Variants in PDGFRL observed in about 807,000 individuals in gnomAD.
The protein encoded by PDGFRL is platelet derived growth factor receptor like.
PDGFRL carries 46 observed loss-of-function variants against 37.2 expected under a neutral mutation model. The ratio of observed to expected loss-of-function variants is 1.24; its 90% CI spans 0.98 to 1.58. The LOEUF (loss-of-function observed/expected upper bound fraction) is 1.58. PDGFRL is among the 40% of genes most tolerant of loss of function. PDGFRL has a pLI of 0.00. For synonymous variants in PDGFRL, 251 were observed against 184.3 expected (o/e 1.36, Z -2.93); for missense variants, 692 against 467.6 (o/e 1.48, Z -4.43).
At chr8:17,637,609 C>T (rs1450568633) in intron 5 of PDGFRL, among the ~76,000 whole-genome samples, 1 of 152,136 alleles carries the variant, frequency 6.6e-6, no homozygotes, top group Non-Finnish European at 1.5e-5. Flanking sequence ...AGGATTCCTT[C>T]TTTCTCTGTC....
intron 2 of PDGFRL, among the ~76,000 whole-genome samples, chr8:17,614,529 C>A (rs1804485578): frequency 6.6e-6 from 1 of 152,176 alleles, no homozygotes; most frequent in Admixed American, 6.5e-5. Context: ...GTGGTAGAGG[C>A]CTAACAGTTT....
At chr8:17,597,591 C>A (rs1302994653) in intron 2 of PDGFRL, among the ~76,000 whole-genome samples, 2 of 152,022 alleles carry the variant, frequency 1.3e-5, no homozygotes, top group Admixed American at 1.3e-4. Flanking sequence ...CAGTTGCTTA[C>A]TAAATACTTC....
intron 1 of PDGFRL, 22 bp downstream of exon 1, chr8:17,577,329 G>A (rs1414788250): frequency 1.9e-6 from 3 of 1,602,382 alleles, no homozygotes; most frequent in East Asian, 4.5e-5. Context: ...TGGGCGCGGG[G>A]CCACCTAGCT....
intron 2 of PDGFRL, among the ~76,000 whole-genome samples, chr8:17,603,486 A>T (rs1411177468): frequency 1.3e-5 from 2 of 152,102 alleles, no homozygotes; most frequent in East Asian, 1.9e-4. Flanking sequence ...TTCAGGTTTT[A>T]CCTCCAGACT....
intron 5 of PDGFRL, among the ~76,000 whole-genome samples, chr8:17,641,003 C>G (rs949493922): frequency 6.6e-6 from 1 of 151,970 alleles, no homozygotes; most frequent in Admixed American, 6.6e-5. Flanking sequence ...TTATGTTCCT[C>G]AGGGGATTAT....
At chr8:17,626,651 C>G (rs1804740345) in intron 3 of PDGFRL, among the ~76,000 whole-genome samples, 1 of 152,182 alleles carries the variant, frequency 6.6e-6, no homozygotes, top group African/African-American at 2.4e-5. Context: ...TGGGGTATCA[C>G]TAGCTCTGAA....
intron 5 of PDGFRL, among the ~76,000 whole-genome samples, chr8:17,635,553 A>G (rs1760208937): frequency 6.6e-6 from 1 of 152,116 alleles, no homozygotes; most frequent in African/African-American, 2.4e-5. Flanking sequence ...CTGGTTCCAT[A>G]TTTTTGCACT....
intron 1 of PDGFRL, among the ~76,000 whole-genome samples, chr8:17,587,381 A>C (rs1186366046): frequency 6.6e-6 from 1 of 152,124 alleles, no homozygotes; most frequent in African/African-American, 2.4e-5. Context: ...ATTCCATAGG[A>C]TTTACAGATG....
chr8:17,611,008 C>T (rs375638169), intron 2 of PDGFRL, among the ~76,000 whole-genome samples: 2 of 152,346 alleles, frequency 1.3e-5, no homozygotes, highest in Admixed American at 1.3e-4. Context: ...TAAATTTCCT[C>T]CAAGTCATTC....
intron 1 of PDGFRL, among the ~76,000 whole-genome samples, chr8:17,581,319 T>C (rs764343932): frequency 6.6e-6 from 1 of 152,164 alleles, no homozygotes; most frequent in Non-Finnish European, 1.5e-5. Context: ...GTTGCCAGTG[T>C]GGCTGTGGCT....
rs780508581 is a variant in PDGFRL, at chr8:17,642,713, T to G, written c.1040T>G (p.Phe347Cys). 1.0e-5 allele frequency: 16 copies of G among 1,605,550 alleles called. 1 individual carries two copies. The East Asian group carries it at 3.1e-4, about 31-fold the overall frequency. ...ISQSVITVED[F>C]ETIDAGYYIC... The stretch of plus-strand genomic sequence containing the variant: ...CAGAGTGTCATTACAGTGGAAGACT[T>G]TGAGACGATTGATGCAGGATATTAC... The change falls in exon 6 of 6, where the codon TTT (phenylalanine) becomes TGT (cysteine). Residue 347 changes from phenylalanine to cysteine, a missense_variant. Transcript: ENST00000251630.
chr8:17,600,316 T>A lies in PDGFRL; in HGVS notation c.353+10551T>A, dbSNP rs1007955730. On this transcript the variant is annotated intron_variant, in intron 2 of 5. Coordinates refer to ENST00000251630, the MANE Select transcript of PDGFRL (RefSeq NM_001372073.1). Reference sequence around the variant, plus strand: ...GCAGTCCTGTGTCCTTCTGGTTTTCTCTCTGTCTCACAGCCCTTCTGGAGT... The same window carrying A: ...GCAGTCCTGTGTCCTTCTGGTTTTCACTCTGTCTCACAGCCCTTCTGGAGT... 2.6e-5 allele frequency among the ~76,000 whole-genome samples: 4 copies of A among 152,146 alleles called. No individual in the cohort carries two copies. In the South Asian group the frequency reaches 6.2e-4, roughly 24 times the overall value.
intron 5 of PDGFRL, 135 bp from the exon 6 acceptor site, chr8:17,642,478 C>T (rs183667226): frequency 4.8e-5 from 31 of 647,998 alleles, no homozygotes; most frequent in Middle Eastern, 4.1e-4. Flanking sequence ...AGCTTATGAG[C>T]TACGCATACT....
At chr8:17,608,413 T>A (rs1253316692) in intron 2 of PDGFRL, among the ~76,000 whole-genome samples, 2 of 152,138 alleles carry the variant, frequency 1.3e-5, no homozygotes, top group African/African-American at 4.8e-5. Context: ...TACAAGTGAA[T>A]CAATGTTGAA....
In PDGFRL at chr8:17,583,717, T is replaced by C. The variant is rs545357805; in HGVS notation, c.56-5751T>C. On this transcript the variant is annotated intron_variant, in intron 1 of 5. Transcript: ENST00000251630. ...TGGCTTGTTGCCCTCCTGGAGGTAA[T>C]AGAACTAATAGCGTGAGTTCTTGCT... Among the ~76,000 whole-genome samples, 469 of 152,222 alleles carry C rather than the reference T, an allele frequency of 3.1e-3. 1 individual carries two copies. The highest frequency in any genetic ancestry group is 0.01 in the African/African-American group (421 of 41,512).
At chr8:17,641,294 G>T (rs928029414) in intron 5 of PDGFRL, among the ~76,000 whole-genome samples, 1 of 152,182 alleles carries the variant, frequency 6.6e-6, no homozygotes, top group African/African-American at 2.4e-5. Context: ...CCCCTCACCC[G>T]AGTTCTGTCC....
intron 2 of PDGFRL, chr8:17,596,401 G>C (rs185625469): frequency 1.2e-6 from 1 of 857,792 alleles, no homozygotes; most frequent in African/African-American, 1.8e-5. Context: ...CATTTTAAAC[G>C]ACCTTATTCA....
chr8:17,586,621 A>G (rs568695536), intron 1 of PDGFRL, among the ~76,000 whole-genome samples: 4 of 152,218 alleles, frequency 2.6e-5, no homozygotes, highest in South Asian at 4.1e-4. Flanking sequence ...CAAGTTCATC[A>G]TAGAGATCTC....
In PDGFRL at chr8:17,642,944, C is replaced by A; in HGVS notation, c.*143C>A. On this transcript the variant is annotated 3_prime_UTR_variant, in exon 6 of 6. Coordinates refer to ENST00000251630, the MANE Select transcript of PDGFRL (RefSeq NM_001372073.1). ...CAGCGTCTCGTGAGTCCGACCCAGA[C>A]ATCCAAACTAAAAGGAAGTCATCCA... The A allele has an allele frequency of 3.4e-6, 2 of 593,592 alleles. No individual in the cohort carries two copies. The highest frequency in any genetic ancestry group is 2.2e-5 in the South Asian group (1 of 45,764). The allele number at this position is 593,592 out of a possible 1,614,324, so 36.8% of individuals were successfully genotyped here.
Sources: gnomAD v4.1 joint callset for allele counts (sites outside exome capture counted in the v4.1 genomes callset) on GRCh38, gnomAD v4.1.1 for gene constraint, MANE v1.5 for transcripts, NCBI Gene and HGNC (gene_info 2026-07-23, HGNC 2026-07-21) for gene names.